The following MEGF11 variants were observed in gnomAD, a reference collection of about 807,000 sequenced individuals.
The protein encoded by MEGF11 is multiple epidermal growth factor-like domains protein 11.
In MEGF11, 126 loss-of-function variants were observed where a neutral mutation model predicts 146.6. That is an observed-to-expected ratio of 0.86 (90% CI 0.74 to 1.00). The LOEUF (loss-of-function observed/expected upper bound fraction) is 1.00, where lower values mean the gene tolerates loss of function less well. Among genes scored for constraint, MEGF11 ranks in the 50% least tolerant of loss-of-function variants. The pLI is 0.00. For synonymous variants in MEGF11, 532 were observed against 583.4 expected (o/e 0.91, Z 1.27); for missense variants, 1,509 against 1,521.2 (o/e 0.99, Z 0.13).
chr15:66,041,482 C>T (rs915742633), intron 5 of MEGF11, among the ~76,000 whole-genome samples: 1 of 152,234 alleles, frequency 6.6e-6, no homozygotes, highest in Non-Finnish European at 1.5e-5. Context: ...CACGGAGGGT[C>T]GCCTTGCGCT....
chr15:65,998,037 G>A (rs1283330274), intron 5 of MEGF11, among the ~76,000 whole-genome samples: 1 of 152,114 alleles, frequency 6.6e-6, no homozygotes, highest in Admixed American at 6.5e-5. Flanking sequence ...AGGGGTGGGG[G>A]GCACTGTGAG....
chr15:66,143,797 C>T (rs972638029), intron 1 of MEGF11, among the ~76,000 whole-genome samples: 4 of 152,120 alleles, frequency 2.6e-5, no homozygotes, highest in Admixed American at 6.5e-5. Flanking sequence ...TCCTTACCTC[C>T]TAGTGAGCTT....
At chr15:66,037,226 A>G (rs1165936272) in intron 5 of MEGF11, among the ~76,000 whole-genome samples, 1 of 151,488 alleles carries the variant, frequency 6.6e-6, no homozygotes, top group Non-Finnish European at 1.5e-5. Flanking sequence ...GGCATCCCTG[A>G]CTCTCCCAGG....
intron 5 of MEGF11, among the ~76,000 whole-genome samples, chr15:66,062,240 G>T (rs910233896): frequency 6.6e-6 from 1 of 152,264 alleles, no homozygotes; most frequent in Non-Finnish European, 1.5e-5. Context: ...CCCATCTTGA[G>T]TATGGGCTGA....
At chr15:66,111,077 C>A (rs774288626) in intron 4 of MEGF11, among the ~76,000 whole-genome samples, 2 of 152,150 alleles carry the variant, frequency 1.3e-5, no homozygotes, top group Non-Finnish European at 2.9e-5. Flanking sequence ...GAAATCTGGG[C>A]CTGCCACTTA....
intron 5 of MEGF11, among the ~76,000 whole-genome samples, chr15:66,091,547 C>A (rs1484483009): frequency 6.6e-6 from 1 of 152,218 alleles, no homozygotes; most frequent in African/African-American, 2.4e-5. Context: ...CCCAGACTTA[C>A]CATCAACTAA....
intron 1 of MEGF11, among the ~76,000 whole-genome samples, chr15:66,237,139 G>T (rs1447056817): frequency 6.6e-6 from 1 of 152,128 alleles, no homozygotes; most frequent in Non-Finnish European, 1.5e-5. Flanking sequence ...CTCATCCAGG[G>T]ACCACGTTAT....
intron 16 of MEGF11, 31 bp downstream of exon 16, chr15:65,917,935 G>A (rs1181330713): frequency 2.5e-6 from 4 of 1,613,492 alleles, no homozygotes; most frequent in African/African-American, 1.3e-5. Flanking sequence ...CTGACCCCAG[G>A]TAGGGGCATT....
intron 9 of MEGF11, 70 bp from the exon 10 acceptor site, chr15:65,957,791 A>G (rs1276649729): frequency 4.7e-6 from 7 of 1,504,908 alleles, no homozygotes; most frequent in Non-Finnish European, 6.4e-6. Context: ...CCCTCTGTCT[A>G]CCCCAAGCCT....
At chr15:66,088,684 T>C (rs2086209304) in intron 5 of MEGF11, among the ~76,000 whole-genome samples, 1 of 150,906 alleles carries the variant, frequency 6.6e-6, no homozygotes, top group Non-Finnish European at 1.5e-5. Context: ...TTCCGACACA[T>C]GCTATGGCAC....
intron 5 of MEGF11, among the ~76,000 whole-genome samples, chr15:66,038,224 G>T (rs947310132): frequency 6.6e-5 from 10 of 152,114 alleles, no homozygotes; most frequent in Non-Finnish European, 1.5e-4. Flanking sequence ...ACGGGGTGAC[G>T]GAAAAAGCAG....
chr15:66,073,630 C>T (rs1271220969), intron 5 of MEGF11, among the ~76,000 whole-genome samples: 1 of 152,228 alleles, frequency 6.6e-6, no homozygotes, highest in Non-Finnish European at 1.5e-5. Flanking sequence ...GGAGCCTTTC[C>T]TGGTTCCCCA....
chr15:66,251,829 G>A (rs1408323959), intron 1 of MEGF11, among the ~76,000 whole-genome samples: 1 of 152,218 alleles, frequency 6.6e-6, no homozygotes, highest in Admixed American at 6.5e-5. Flanking sequence ...TGGCGAGATT[G>A]CAGTCCTAGA....
intron 10 of MEGF11, among the ~76,000 whole-genome samples, chr15:65,939,728 C>T (rs574086118): frequency 4.6e-5 from 7 of 152,168 alleles, no homozygotes; most frequent in South Asian, 4.2e-4. Context: ...CTCTTGACCT[C>T]GTGATCCACC....
chr15:65,909,018 A>C lies in MEGF11; in HGVS notation c.2998+16T>G. The C allele has an allele frequency of 6.7e-7, 1 of 1,491,916 alleles. No homozygotes were observed. Among genetic ancestry groups the C allele is most frequent in the South Asian group, 1.2e-5 (1 of 83,032 alleles). The allele number at this position is 1,491,916 out of a possible 1,614,324, so 92.4% of individuals were successfully genotyped here. A position where few individuals can be genotyped will look rare whatever the true frequency, so the allele number is the denominator to read the frequency against. On this transcript the variant is annotated intron_variant, in intron 23 of 25. Coordinates refer to ENST00000395614, the MANE Select transcript of MEGF11 (RefSeq NM_001385028.1). ...GGTCTGGCATGAGGGGGTGGAGGGT[A>C]GGGCTGGGGTCTGACCTGGTGAGTG...
At chr15:66,105,788 T>C (rs1380677045) in intron 4 of MEGF11, among the ~76,000 whole-genome samples, 7 of 152,224 alleles carry the variant, frequency 4.6e-5, no homozygotes, top group African/African-American at 1.7e-4. Flanking sequence ...ACACTTGCTG[T>C]TGATTTCCTA....
At chr15:65,951,016 G>A (rs956907934) in intron 10 of MEGF11, among the ~76,000 whole-genome samples, 2 of 152,210 alleles carry the variant, frequency 1.3e-5, no homozygotes, top group African/African-American at 2.4e-5. Context: ...TCATTTCAGG[G>A]AGTTTGCTGA....
Position 66,252,059 on chromosome 15 carries a change from C to A in MEGF11, c.-9+1546G>T, listed in dbSNP as rs75434800. 4.6e-3 allele frequency among the ~76,000 whole-genome samples: 697 copies of A among 152,346 alleles called. 23 individuals carry two copies. In the East Asian group the frequency reaches 0.092, roughly 20 times the overall value. On this transcript the variant is annotated intron_variant, in intron 1 of 25. Coordinates refer to ENST00000395614, the MANE Select transcript of MEGF11 (RefSeq NM_001385028.1). ...AACCCCCTAAACCTCTCAAGATAAT[C>A]TCCCGACAGCACTCCAACAAAGAGA... is the stretch of plus-strand genomic sequence containing the variant.
At chr15:66,155,477 A>G (rs1219162373) in intron 1 of MEGF11, among the ~76,000 whole-genome samples, 1 of 152,118 alleles carries the variant, frequency 6.6e-6, no homozygotes, top group Non-Finnish European at 1.5e-5. Context: ...TCCCTTGCTG[A>G]CTTCCTCCAG....
Sources: gnomAD v4.1 joint callset for allele counts (sites outside exome capture counted in the v4.1 genomes callset) on GRCh38, gnomAD v4.1.1 for gene constraint, MANE v1.5 for transcripts, NCBI Gene and HGNC (gene_info 2026-07-23, HGNC 2026-07-21) for gene names.